The following CDH20 variants were observed in gnomAD, a reference collection of about 807,000 sequenced individuals.
The protein encoded by CDH20 is cadherin-20.
CDH20 carries 29 observed loss-of-function variants against 74.2 expected under a neutral mutation model. The observed-to-expected ratio is 0.39, with a 90% CI of 0.29 to 0.53. CDH20 has a LOEUF of 0.53. Ranked by LOEUF, CDH20 falls within the 20% of genes least tolerant of loss-of-function variation. The pLI is 0.69. For missense variants in CDH20, 988 were observed against 1,048.3 expected, an observed-to-expected ratio of 0.94 and a Z score of 0.79; for synonymous variants, 469 against 405.4, an observed-to-expected ratio of 1.16 and a Z score of -1.88.
chr18:61,432,754 G>C (rs934517388), intron 1 of CDH20, among the ~76,000 whole-genome samples: 1 of 152,086 alleles, frequency 6.6e-6, no homozygotes, highest in African/African-American at 2.4e-5. Context: ...CCTTCCTCCT[G>C]TTCTTCCTCT....
chr18:61,467,012 C>T (rs1256578662), intron 1 of CDH20, among the ~76,000 whole-genome samples: 2 of 152,110 alleles, frequency 1.3e-5, no homozygotes, highest in East Asian at 3.9e-4. Context: ...CAGTTTCAGC[C>T]TGGGGGATGG....
In CDH20 at chr18:61,486,051, C is replaced by A. The variant is rs931860427; in HGVS notation, c.-152-4351C>A. On this transcript the variant is annotated intron_variant, in intron 1 of 11. Transcript: ENST00000262717. The stretch of plus-strand genomic sequence containing the variant: ...CTGCGCCACTGCAGTCCAGCCTGGG[C>A]GACAGAGCGAGACTCCATCTCAAAA... 1.3e-5 allele frequency among the ~76,000 whole-genome samples: 2 copies of A among 150,734 alleles called. 1 individual carries two copies. Among genetic ancestry groups the A allele is most frequent in the South Asian group, 4.3e-4 (2 of 4,702 alleles).
chr18:61,496,108 TCCTC>T (rs1467027068), intron 2 of CDH20, among the ~76,000 whole-genome samples: 1 of 36,740 alleles, frequency 2.7e-5, no homozygotes, highest in African/African-American at 1.3e-4. Flanking sequence ...TCTCCTTCTC[TCCTC>T]CCTTCCTCTC....
At chr18:61,339,347 T>A (rs1909859721) in intron 1 of CDH20, among the ~76,000 whole-genome samples, 1 of 150,160 alleles carries the variant, frequency 6.7e-6, no homozygotes, top group South Asian at 2.1e-4. Context: ...AAGGGGTACA[T>A]GTGCAAGTTT....
intron 6 of CDH20, among the ~76,000 whole-genome samples, chr18:61,512,715 T>C (rs1182927306): frequency 6.6e-6 from 1 of 152,134 alleles, no homozygotes. Flanking sequence ...TTTGTTCTCG[T>C]TGGTTTCAAA....
intron 1 of CDH20, among the ~76,000 whole-genome samples, chr18:61,365,236 G>A (rs984144192): frequency 3.3e-5 from 5 of 152,176 alleles, no homozygotes; most frequent in African/African-American, 1.2e-4. Flanking sequence ...TCTTGGAAAG[G>A]ATTCCCTCCA....
Position 61,353,980 on chromosome 18 carries a change from G to T in CDH20, c.-153+20153G>T, listed in dbSNP as rs1217541664. The stretch of plus-strand genomic sequence containing the variant: ...CACCTGTGGTCCCAGCTACTTGGGA[G>T]GTTGCAAGTGAGCCAAGATTGGGCC... On this transcript the variant is annotated intron_variant, in intron 1 of 11. Coordinates refer to ENST00000262717, the MANE Select transcript of CDH20 (RefSeq NM_031891.4). The surrounding 1 kb of genome is among the most constrained non-coding windows in gnomAD (Gnocchi z 4.6). Among the ~76,000 whole-genome samples the T allele has an allele frequency of 6.6e-6, 1 of 151,222 alleles. No homozygotes were observed. Among genetic ancestry groups the T allele is most frequent in the East Asian group, 1.9e-4 (1 of 5,132 alleles).
At chr18:61,449,700 A>T (rs1450712028) in intron 1 of CDH20, among the ~76,000 whole-genome samples, 1 of 152,086 alleles carries the variant, frequency 6.6e-6, no homozygotes, top group Admixed American at 6.6e-5. Context: ...ATTTCTGGAA[A>T]TAAAATTATA....
chr18:61,412,823 T>C (rs1331331701), intron 1 of CDH20, among the ~76,000 whole-genome samples: 1 of 152,190 alleles, frequency 6.6e-6, no homozygotes, highest in African/African-American at 2.4e-5. Flanking sequence ...TAGCATATGT[T>C]AGGTATGACC....
chr18:61,493,033 A>G (rs1175209060), intron 2 of CDH20, among the ~76,000 whole-genome samples: 1 of 152,222 alleles, frequency 6.6e-6, no homozygotes, highest in Non-Finnish European at 1.5e-5. Context: ...ATAGTACTAT[A>G]GTAGCAATAG....
At chr18:61,362,782 A>T (rs1910742694) in intron 1 of CDH20, among the ~76,000 whole-genome samples, 2 of 152,184 alleles carry the variant, frequency 1.3e-5, no homozygotes, top group Admixed American at 6.5e-5. Context: ...TAGTAGACTT[A>T]GTATGACATA....
intron 1 of CDH20, among the ~76,000 whole-genome samples, chr18:61,387,237 C>T (rs1911629156): frequency 6.6e-6 from 1 of 152,204 alleles, no homozygotes. Flanking sequence ...GCACGCCTCT[C>T]AGACTGCAGC....
At chr18:61,522,319 C>T (rs949167830) in intron 6 of CDH20, among the ~76,000 whole-genome samples, 2 of 152,084 alleles carry the variant, frequency 1.3e-5, no homozygotes. Flanking sequence ...TTCACAATTG[C>T]CACAAAGAGA....
chr18:61,507,689 TAAA>T, intron 6 of CDH20, 129 bp downstream of exon 6: 1 of 465,226 alleles, frequency 2.1e-6, no homozygotes, highest in Admixed American at 4.4e-5. Flanking sequence ...TCCTATTATT[TAAA>T]AAAAAAAACA....
intron 1 of CDH20, among the ~76,000 whole-genome samples, chr18:61,467,047 C>T (rs1472084159): frequency 5.3e-5 from 8 of 152,090 alleles, no homozygotes. Flanking sequence ...ACAAACAAGG[C>T]TGCAGGGGCC....
chr18:61,411,337 A>G (rs1912494221), intron 1 of CDH20, among the ~76,000 whole-genome samples: 1 of 152,172 alleles, frequency 6.6e-6, no homozygotes, highest in African/African-American at 2.4e-5. Context: ...ACTATGGAAA[A>G]CAGTGTGGAG....
chr18:61,507,662 A>G (rs1016892773), intron 6 of CDH20, 102 bp downstream of exon 6: 5 of 739,602 alleles, frequency 6.8e-6, no homozygotes, highest in South Asian at 2.9e-5. Flanking sequence ...GCTTCAAATC[A>G]TCTGATAAAA....
intron 1 of CDH20, among the ~76,000 whole-genome samples, chr18:61,422,046 A>C (rs975908448): frequency 1.3e-5 from 2 of 152,150 alleles, no homozygotes; most frequent in African/African-American, 4.8e-5. Context: ...ATAACAAAAG[A>C]AGCATACTGA....
At chr18:61,444,294 A>G (rs1909126893) in intron 1 of CDH20, among the ~76,000 whole-genome samples, 1 of 152,158 alleles carries the variant, frequency 6.6e-6, no homozygotes, top group South Asian at 2.1e-4. Context: ...AGGTATGGGT[A>G]TATAAGACAG....
Sources: gnomAD v4.1 joint callset for allele counts (sites outside exome capture counted in the v4.1 genomes callset) on GRCh38, gnomAD v4.1.1 for gene constraint, Gnocchi (gnomAD v3.1) non-coding constraint, MANE v1.5 for transcripts, NCBI Gene and HGNC (gene_info 2026-07-23, HGNC 2026-07-21) for gene names.